TRHDE: variants seen among roughly 807,000 people sequenced by gnomAD.
TRHDE encodes the protein thyrotropin releasing hormone degrading enzyme.
A neutral mutation model predicts 125.7 loss-of-function variants in TRHDE; 72 were observed. The observed-to-expected ratio is 0.57, with a 90% CI of 0.47 to 0.70. TRHDE has a LOEUF of 0.70. Among genes scored for constraint, TRHDE ranks in the 30% least tolerant of loss-of-function variants. TRHDE has a pLI of 0.00. For synonymous variants in TRHDE, 509 were observed against 509.1 expected, an observed-to-expected ratio of 1.00 and a Z score of 0.00; for missense variants, 1,110 against 1,327.1, an observed-to-expected ratio of 0.84 and a Z score of 2.54.
chr12:72,116,622 A>AT, intron 2 of TRHDE, among the ~76,000 whole-genome samples: 1 of 151,910 alleles, frequency 6.6e-6, no homozygotes, highest in Non-Finnish European at 1.5e-5. Context: ...TGATGATGAG[A>AT]TTTTTTTCAT....
intron 2 of TRHDE, among the ~76,000 whole-genome samples, chr12:72,211,618 C>A (rs1877783739): frequency 6.6e-6 from 1 of 151,962 alleles, no homozygotes; most frequent in Non-Finnish European, 1.5e-5. Context: ...CTATTTTGGT[C>A]CAGGAATTAT....
At chr12:72,482,380 A>C (rs1877213964) in intron 5 of TRHDE, among the ~76,000 whole-genome samples, 1 of 152,018 alleles carries the variant, frequency 6.6e-6, no homozygotes, top group Non-Finnish European at 1.5e-5. Flanking sequence ...TATTTGAAAA[A>C]TAAAATTGGG....
chr12:72,506,589 T>C (rs1878366150), intron 6 of TRHDE, among the ~76,000 whole-genome samples: 1 of 152,192 alleles, frequency 6.6e-6, no homozygotes, highest in Non-Finnish European at 1.5e-5. Flanking sequence ...CAGCATCAGA[T>C]ATTTAGCAAA....
At chr12:72,492,999 A>G (rs544416315) in intron 5 of TRHDE, among the ~76,000 whole-genome samples, 1 of 152,010 alleles carries the variant, frequency 6.6e-6, no homozygotes, top group African/African-American at 2.4e-5. Context: ...CTTTCATACC[A>G]TAATAGGAGT....
In TRHDE at chr12:72,154,801, G is replaced by C. The variant is rs184190255; in HGVS notation, n.279+49049G>C. 1.9e-4 allele frequency among the ~76,000 whole-genome samples: 29 copies of C among 152,264 alleles called. No homozygotes were observed. In the East Asian group the frequency reaches 5.0e-3, roughly 26 times the overall value. ...TGGGCTTCCCCTTGTGGGTAACCCA[G>C]CCTTTCTCTCTGGCTGCCCTTAACA... On this transcript the variant is annotated intron_variant and non_coding_transcript_variant, in intron 2 of 4. Coordinates refer to the TRHDE transcript ENST00000548156.
At chr12:72,616,144 G>T (rs919883635) in intron 12 of TRHDE, among the ~76,000 whole-genome samples, 1 of 152,094 alleles carries the variant, frequency 6.6e-6, no homozygotes, top group African/African-American at 2.4e-5. Context: ...TTTAATGAAT[G>T]CTTTTAATTA....
At chr12:72,346,652 A>G (rs1870343219) in intron 2 of TRHDE, among the ~76,000 whole-genome samples, 1 of 152,044 alleles carries the variant, frequency 6.6e-6, no homozygotes, top group Non-Finnish European at 1.5e-5. Context: ...CCGAGTGCCA[A>G]CCTTAGAGCC....
chr12:72,586,339 G>C (rs571324964), intron 12 of TRHDE, among the ~76,000 whole-genome samples: 1 of 152,184 alleles, frequency 6.6e-6, no homozygotes, highest in Admixed American at 6.5e-5. Flanking sequence ...GTGGGAAATC[G>C]TAAAGCCTTA....
At chr12:72,305,282 A>C (rs1178981610) in intron 2 of TRHDE, among the ~76,000 whole-genome samples, 1 of 152,198 alleles carries the variant, frequency 6.6e-6, no homozygotes, top group African/African-American at 2.4e-5. Context: ...TTATTCCATA[A>C]ATTAGGTTAA....
chr12:72,095,474 G>T (rs955404127), intron 1 of TRHDE, among the ~76,000 whole-genome samples: 3 of 152,122 alleles, frequency 2.0e-5, no homozygotes, highest in Non-Finnish European at 4.4e-5. Flanking sequence ...GGTCACTAGT[G>T]CTACCCTCCC....
At chr12:72,615,512 CCAA>C (rs1457624051) in intron 12 of TRHDE, among the ~76,000 whole-genome samples, 6 of 152,120 alleles carry the variant, frequency 3.9e-5, no homozygotes, top group Non-Finnish European at 7.4e-5. Flanking sequence ...AACCGATACA[CCAA>C]CATTGTCTCC....
intron 12 of TRHDE, among the ~76,000 whole-genome samples, chr12:72,586,160 A>G (rs976250930): frequency 6.6e-6 from 1 of 152,208 alleles, no homozygotes; most frequent in Non-Finnish European, 1.5e-5. Flanking sequence ...AGAATAAGAT[A>G]ATAGAAAATA....
At chr12:72,096,988 A>G (rs187059566) in intron 1 of TRHDE, among the ~76,000 whole-genome samples, 1 of 152,336 alleles carries the variant, frequency 6.6e-6, no homozygotes, top group Admixed American at 6.5e-5. Context: ...CTTATTGGCC[A>G]ATTCGATTAT....
At position 72,089,909 on chromosome 12, in the gene TRHDE, T is replaced by C. The variant is rs115582020; in HGVS notation, n.174+2470T>C. ...GTGGTGAACACTCAGTAAATATTTG[T>C]TGAGTAAATAAAACAATGAATAGAT... On this transcript the variant is annotated intron_variant and non_coding_transcript_variant, in intron 1 of 4. Transcript: ENST00000548156. Among the ~76,000 whole-genome samples, 197 of 152,306 alleles carry C rather than the reference T, an allele frequency of 1.3e-3. 1 individual carries two copies. Among genetic ancestry groups the C allele is most frequent in the African/African-American group, 4.5e-3 (188 of 41,562 alleles).
At chr12:72,242,861 C>A (rs925545073) in intron 2 of TRHDE, among the ~76,000 whole-genome samples, 12 of 152,262 alleles carry the variant, frequency 7.9e-5, no homozygotes, top group African/African-American at 1.4e-4. Context: ...TTCTCCTTAA[C>A]CAAAATCGTA....
intron 2 of TRHDE, chr12:72,263,642 A>G (rs565261533): frequency 1.3e-5 from 2 of 152,212 alleles, no homozygotes; most frequent in African/African-American, 2.4e-5. Context: ...TGGAAAGCAC[A>G]ATACATTGCT....
At chr12:72,323,666 A>G (rs562376941) in intron 2 of TRHDE, among the ~76,000 whole-genome samples, 1 of 152,274 alleles carries the variant, frequency 6.6e-6, no homozygotes, top group South Asian at 2.1e-4. Flanking sequence ...CTTGGTGCCA[A>G]AATGTGAACG....
chr12:72,290,441 T>C (rs1199256596), intron 2 of TRHDE, among the ~76,000 whole-genome samples: 1 of 152,248 alleles, frequency 6.6e-6, no homozygotes, highest in Non-Finnish European at 1.5e-5. Context: ...TTTACAATAT[T>C]GTTCTGGTTT....
At chr12:72,477,819 C>T (rs773568852) in intron 5 of TRHDE, among the ~76,000 whole-genome samples, 4 of 152,146 alleles carry the variant, frequency 2.6e-5, no homozygotes, top group African/African-American at 4.8e-5. Context: ...GTCATATCCT[C>T]TGTGCATAGT....
Sources: gnomAD v4.1 joint callset for allele counts (sites outside exome capture counted in the v4.1 genomes callset) on GRCh38, gnomAD v4.1.1 for gene constraint, MANE v1.5 for transcripts, NCBI Gene and HGNC (gene_info 2026-07-23, HGNC 2026-07-21) for gene names.